Variants in NRG3 observed in about 807,000 individuals in gnomAD.
NRG3 encodes pro-neuregulin-3, membrane-bound isoform.
A neutral mutation model predicts 66.9 loss-of-function variants in NRG3; 31 were observed. The observed-to-expected ratio is 0.46, with a 90% CI of 0.35 to 0.63. The LOEUF (loss-of-function observed/expected upper bound fraction) is 0.63. NRG3 is among the 20% of genes least tolerant of loss of function. The pLI, the probability that NRG3 is intolerant of heterozygous loss-of-function variation, is 0.00. For missense variants in NRG3, 910 were observed against 878.9 expected (o/e 1.04, Z -0.45); for synonymous variants, 393 against 359.4 (o/e 1.09, Z -1.06).
At chr10:82,498,952 G>T (rs1336987714) in intron 2 of NRG3, among the ~76,000 whole-genome samples, 1 of 152,070 alleles carries the variant, frequency 6.6e-6, no homozygotes, top group Non-Finnish European at 1.5e-5. Flanking sequence ...GTAGACTCCA[G>T]ATGAGACTCC....
At chr10:82,774,814 CTTTTTTCTT>C (rs2059841273) in intron 3 of NRG3, among the ~76,000 whole-genome samples, 1 of 112,060 alleles carries the variant, frequency 8.9e-6, no homozygotes, top group Non-Finnish European at 1.8e-5. Context: ...TTTCCTTTTT[CTTTTTTCTT>C]TTTTTTTTTT....
chr10:82,628,794 CT>C (rs1467438934), intron 2 of NRG3, among the ~76,000 whole-genome samples: 4 of 152,116 alleles, frequency 2.6e-5, no homozygotes, highest in Non-Finnish European at 2.9e-5. Context: ...TTATTTACCA[CT>C]GTATTCAATG....
chr10:82,203,991 T>C (rs1416970889), intron 1 of NRG3, among the ~76,000 whole-genome samples: 1 of 152,308 alleles, frequency 6.6e-6, no homozygotes, highest in East Asian at 1.9e-4. Flanking sequence ...TGTTAATGAA[T>C]GTAAATAAAA....
chr10:82,875,958 A>G (rs1841784703), intron 4 of NRG3, among the ~76,000 whole-genome samples: 1 of 152,234 alleles, frequency 6.6e-6, no homozygotes, highest in Non-Finnish European at 1.5e-5. Context: ...TGAGATTAAT[A>G]GTGTTCAGTG....
chr10:82,720,059 T>C (rs1409903507), intron 2 of NRG3, among the ~76,000 whole-genome samples: 2 of 152,338 alleles, frequency 1.3e-5, no homozygotes, highest in East Asian at 3.9e-4. Context: ...CCTTTATCTG[T>C]ACAATAAGTC....
chr10:82,264,881 G>A (rs955576679), intron 1 of NRG3, among the ~76,000 whole-genome samples: 1 of 152,126 alleles, frequency 6.6e-6, no homozygotes. Context: ...CCTGGAATGG[G>A]TACAAAAGAG....
chr10:82,730,324 T>A (rs1197269523), intron 2 of NRG3, among the ~76,000 whole-genome samples: 1 of 152,044 alleles, frequency 6.6e-6, no homozygotes, highest in Non-Finnish European at 1.5e-5. Flanking sequence ...GACCTTGTGA[T>A]CCACCCGCCT....
chr10:82,358,625 C>T (rs1467096020), intron 1 of NRG3, 114 bp from the exon 2 acceptor site: 1 of 1,442,930 alleles, frequency 6.9e-7, no homozygotes, highest in African/African-American at 1.4e-5. Context: ...TCTAGAGTCC[C>T]AGAGGTCAGA....
intron 2 of NRG3, among the ~76,000 whole-genome samples, chr10:82,373,926 C>G (rs954930682): frequency 3.3e-5 from 5 of 152,136 alleles, no homozygotes; most frequent in African/African-American, 7.2e-5. Flanking sequence ...AAAACATTAT[C>G]TGGATGTATG....
intron 2 of NRG3, among the ~76,000 whole-genome samples, chr10:82,602,025 G>GT (rs1451549202): frequency 1.3e-5 from 2 of 151,274 alleles, no homozygotes; most frequent in Non-Finnish European, 2.9e-5. Context: ...GGAAGCTGCA[G>GT]TGAGCTATGA....
chr10:82,919,871 C>A (rs1280359296), intron 4 of NRG3, among the ~76,000 whole-genome samples: 1 of 150,916 alleles, frequency 6.6e-6, no homozygotes, highest in Admixed American at 6.6e-5. Context: ...TTAGAGATGA[C>A]CAAATGAAAA....
chr10:82,579,513 G>A lies in NRG3; in HGVS notation c.954-159064G>A, dbSNP rs578114940. The stretch of plus-strand genomic sequence containing the variant: ...CTGTCAGGCTTTCACAATTCCATTC[G>A]TATGTCTATACACAAGCACACATGT... On this transcript the variant is annotated intron_variant, in intron 2 of 8. Coordinates refer to ENST00000372141, the MANE Select transcript of NRG3 (RefSeq NM_001010848.4). 1.2e-4 allele frequency among the ~76,000 whole-genome samples: 18 copies of A among 151,960 alleles called. No individual in the cohort carries two copies. In the South Asian group the frequency reaches 1.2e-3, roughly 11 times the overall value.
At chr10:82,802,059 GA>G in intron 3 of NRG3, among the ~76,000 whole-genome samples, 1 of 152,294 alleles carries the variant, frequency 6.6e-6, no homozygotes, top group East Asian at 1.9e-4. Context: ...AATAGCATGT[GA>G]AAAACAGCAG....
At chr10:82,192,383 C>T (rs2074196557) in intron 1 of NRG3, among the ~76,000 whole-genome samples, 1 of 152,190 alleles carries the variant, frequency 6.6e-6, no homozygotes, top group South Asian at 2.1e-4. Context: ...TGCAGCACTA[C>T]ACTCAGAGCT....
intron 1 of NRG3, among the ~76,000 whole-genome samples, chr10:81,988,548 A>G (rs2060614161): frequency 6.6e-6 from 1 of 152,174 alleles, no homozygotes; most frequent in African/African-American, 2.4e-5. Flanking sequence ...AGTGAGAGAA[A>G]TGGGATATCA....
chr10:82,667,258 G>A (rs146658795), intron 2 of NRG3, among the ~76,000 whole-genome samples: 149 of 152,176 alleles, frequency 9.8e-4, no homozygotes, highest in African/African-American at 1.3e-3. Context: ...GATTTTTGTC[G>A]GTTTACTGAA....
intron 1 of NRG3, among the ~76,000 whole-genome samples, chr10:82,216,142 G>A (rs1483203737): frequency 6.6e-6 from 1 of 151,360 alleles, no homozygotes; most frequent in Non-Finnish European, 1.5e-5. Flanking sequence ...GCCACTACTG[G>A]CTAATTTTTG....
chr10:82,201,050 A>T (rs2074785038), intron 1 of NRG3, among the ~76,000 whole-genome samples: 2 of 151,942 alleles, frequency 1.3e-5, no homozygotes, highest in Admixed American at 1.3e-4. Flanking sequence ...ACAAAAAATT[A>T]GCCAGGTGTG....
intron 3 of NRG3, among the ~76,000 whole-genome samples, chr10:82,776,709 ACT>A (rs2059924061): frequency 6.9e-6 from 1 of 145,872 alleles, no homozygotes; most frequent in Non-Finnish European, 1.5e-5. Flanking sequence ...TCTGCTGTTG[ACT>A]CTTACATGTA....
Sources: gnomAD v4.1 joint callset for allele counts (sites outside exome capture counted in the v4.1 genomes callset) on GRCh38, gnomAD v4.1.1 for gene constraint, MANE v1.5 for transcripts, NCBI Gene and HGNC (gene_info 2026-07-23, HGNC 2026-07-21) for gene names.